Variants in GSE1 observed in about 807,000 individuals in gnomAD.
GSE1 encodes the protein Gse1 coiled-coil protein.
A neutral mutation model predicts 112.6 loss-of-function variants in GSE1; 32 were observed. The ratio of observed to expected loss-of-function variants is 0.28; its 90% CI spans 0.21 to 0.38. The LOEUF (loss-of-function observed/expected upper bound fraction) is 0.38, where lower values mean the gene tolerates loss of function less well. GSE1 is among the 10% of genes least tolerant of loss of function. The pLI is 1.00. For synonymous variants in GSE1, 1,115 were observed against 735.6 expected (o/e 1.52, Z -8.35); for missense variants, 2,348 against 1,699.2 (o/e 1.38, Z -6.71).
Position 85,227,524 on chromosome 16 carries a change from G to T in GSE1, c.2283+55717G>T, listed in dbSNP as rs146085238. On this transcript the variant is annotated intron_variant, in intron 1 of 2. Coordinates refer to the GSE1 transcript ENST00000637419. The stretch of plus-strand genomic sequence containing the variant: ...CAGGTAGCAGGAACAGCACAGGCAG[G>T]GCCCAGGAGGCATGAGAGTGTGGCG... Among the ~76,000 whole-genome samples the T allele has an allele frequency of 1.4e-4, 21 of 152,324 alleles. No homozygotes were observed. In the East Asian group the frequency reaches 4.0e-3, roughly 29 times the overall value.
At chr16:85,654,608 C>T (rs1175412519) in intron 4 of GSE1, among the ~76,000 whole-genome samples, 158 bp downstream of exon 4, 2 of 152,162 alleles carry the variant, frequency 1.3e-5, no homozygotes, top group African/African-American at 4.8e-5. Context: ...TGTCTGTGCC[C>T]CTTCACACTG....
intron 2 of GSE1, among the ~76,000 whole-genome samples, chr16:85,648,292 G>C (rs1336121381): frequency 1.3e-5 from 2 of 152,154 alleles, no homozygotes; most frequent in African/African-American, 4.8e-5. Flanking sequence ...CAGAGCATCT[G>C]TGCTTTGTGC....
At position 85,301,652 on chromosome 16, in the gene GSE1, G is replaced by A. The variant is rs188822685; in HGVS notation, c.2284-55811G>A. ...CTAATGGACATCTGTCCCTCGTCTC[G>A]GCTCTGTTGCCATCTGTGTTTCCTT... On this transcript the variant is annotated intron_variant, in intron 1 of 2. Transcript: ENST00000637419. Among the ~76,000 whole-genome samples the A allele has an allele frequency of 2.6e-5, 4 of 152,268 alleles. No homozygotes were observed. The East Asian group carries it at 5.8e-4, about 22-fold the overall frequency.
Position 85,305,835 on chromosome 16 carries a change from G to A in GSE1, c.2284-51628G>A, listed in dbSNP as rs142862302. The stretch of plus-strand genomic sequence containing the variant: ...CCGCACATGGTGTCTCACACTTGTA[G>A]TCCCAGAACTTTGGGAAGCTAAGGC... On this transcript the variant is annotated intron_variant, in intron 1 of 2. Transcript: ENST00000637419. 4.2e-3 allele frequency among the ~76,000 whole-genome samples: 635 copies of A among 152,190 alleles called. 1 individual carries two copies. The highest frequency in any genetic ancestry group is 0.015 in the African/African-American group (610 of 41,552).
intron 1 of GSE1, among the ~76,000 whole-genome samples, chr16:85,252,790 T>C (rs1270132808): frequency 6.6e-6 from 1 of 152,206 alleles, no homozygotes; most frequent in East Asian, 1.9e-4. Flanking sequence ...AGTCTGAGGC[T>C]GCCGGTGACA....
chr16:85,594,381 A>AG (rs1391704410), intron 1 of GSE1: 2 of 152,116 alleles, frequency 1.3e-5, no homozygotes, highest in Admixed American at 6.5e-5. Flanking sequence ...CTGAGTCTCC[A>AG]GGGGAATTGT....
chr16:85,380,426 C>G (rs1293387419), intron 2 of GSE1, among the ~76,000 whole-genome samples: 2 of 152,196 alleles, frequency 1.3e-5, no homozygotes, highest in East Asian at 1.9e-4. Context: ...GCCAACCCCA[C>G]TGTTCAGCAG....
chr16:85,302,184 G>A (rs2045546105), intron 1 of GSE1, among the ~76,000 whole-genome samples: 1 of 151,820 alleles, frequency 6.6e-6, no homozygotes, highest in South Asian at 2.1e-4. Context: ...GGAAATAAAA[G>A]AGAGAGAGAG....
chr16:85,233,909 GC>G (rs1904337002), intron 1 of GSE1, among the ~76,000 whole-genome samples: 1 of 152,072 alleles, frequency 6.6e-6, no homozygotes, highest in African/African-American at 2.4e-5. Context: ...TCCTACCCCT[GC>G]CCCCTGTCCA....
intron 1 of GSE1, among the ~76,000 whole-genome samples, chr16:85,343,373 G>A (rs1013670305): frequency 6.6e-6 from 1 of 152,122 alleles, no homozygotes; most frequent in East Asian, 1.9e-4. Flanking sequence ...TGAGCAAGGG[G>A]TTGCCCTTGG....
At chr16:85,565,394 C>CAAAAAAAAA (rs36033236) in intron 1 of GSE1, among the ~76,000 whole-genome samples, 4 of 119,448 alleles carry the variant, frequency 3.3e-5, no homozygotes, top group African/African-American at 1.4e-4. Flanking sequence ...GACTCTGTCT[C>CAAAAAAAAA]AAAAAAAAAA....
intron 2 of GSE1, among the ~76,000 whole-genome samples, chr16:85,544,573 G>C (rs1036224881): frequency 6.6e-5 from 10 of 152,172 alleles, no homozygotes; most frequent in African/African-American, 2.2e-4. Context: ...GCACTAAAAA[G>C]CTCGCACCCA....
At chr16:85,609,537 C>T (rs754595122), upstream of GSE1, among the ~76,000 whole-genome samples, 3 of 152,198 alleles carry the variant, frequency 2.0e-5, no homozygotes, top group Non-Finnish European at 4.4e-5. Context: ...TGGTTCAAGG[C>T]GTCCCTTTCT....
chr16:85,315,238 A>C (rs1474088613), intron 1 of GSE1, among the ~76,000 whole-genome samples: 1 of 152,106 alleles, frequency 6.6e-6, no homozygotes, highest in African/African-American at 2.4e-5. Context: ...GCTCAGCGGG[A>C]GGCCACACAG....
In GSE1 at chr16:85,668,384, G is replaced by T. The variant is rs1406505844; in HGVS notation, c.3375G>T (p.Gly1125=). 2.5e-6 allele frequency: 4 copies of T among 1,612,408 alleles called. No individual in the cohort carries two copies. The highest frequency in any genetic ancestry group is 3.4e-6 in the Non-Finnish European group (4 of 1,179,808). The change falls in exon 14 of 16, where the codon GGG becomes GGT. Residue 1125 remains glycine, a synonymous_variant. Transcript: ENST00000253458. The part of the protein sequence containing the change: ...EEEVPKRKWQ[G]IEAVFEAYQE... ...AAGTCCCCAAGCGCAAGTGGCAAGGGATCGAGGCCGTTTTTGAAGCTTACC... is the reference window on the plus strand; with the variant it reads ...AAGTCCCCAAGCGCAAGTGGCAAGGTATCGAGGCCGTTTTTGAAGCTTACC...
chr16:85,313,224 C>T (rs558862995), intron 1 of GSE1, among the ~76,000 whole-genome samples: 1 of 152,294 alleles, frequency 6.6e-6, no homozygotes, highest in Non-Finnish European at 1.5e-5. Context: ...GGGGCAGCAC[C>T]TGCGTGGGGT....
intron 2 of GSE1, among the ~76,000 whole-genome samples, chr16:85,636,927 C>T (rs1442464214): frequency 5.3e-5 from 8 of 151,820 alleles, no homozygotes; most frequent in Admixed American, 4.7e-4. Context: ...CTGTGCTACC[C>T]CCCCAGCTCC....
chr16:85,217,235 A>G (rs1276967992), intron 1 of GSE1, among the ~76,000 whole-genome samples: 7 of 152,160 alleles, frequency 4.6e-5, no homozygotes, highest in African/African-American at 1.7e-4. Context: ...GCACATTGGG[A>G]CGATGGGGGA....
chr16:85,631,871 A>G (rs1189764169), intron 1 of GSE1, among the ~76,000 whole-genome samples: 2 of 152,362 alleles, frequency 1.3e-5, no homozygotes, highest in Non-Finnish European at 1.5e-5. Flanking sequence ...ATCGCCTCCA[A>G]TGGACCCGCT....
Sources: allele counts gnomAD v4.1 joint callset (sites outside exome capture counted in the v4.1 genomes callset), GRCh38; gene constraint gnomAD v4.1.1; transcripts MANE v1.5; gene names NCBI Gene and HGNC (gene_info 2026-07-23, HGNC 2026-07-21).